SMYD3: variants seen among roughly 807,000 people sequenced by gnomAD.
SMYD3 encodes the protein histone-lysine N-methyltransferase SMYD3.
In SMYD3, 36 loss-of-function variants were observed where a neutral mutation model predicts 57.7. The ratio of observed to expected loss-of-function variants is 0.62; its 90% CI spans 0.48 to 0.82. The LOEUF is 0.82. Ranked by LOEUF, SMYD3 falls within the 40% of genes least tolerant of loss-of-function variation. The pLI is 0.00. For synonymous variants in SMYD3, 211 were observed against 195.0 expected, an observed-to-expected ratio of 1.08 and a Z score of -0.68; for missense variants, 515 against 538.8, an observed-to-expected ratio of 0.96 and a Z score of 0.44.
chr1:245,788,039 G>C (rs1389517185), intron 10 of SMYD3, among the ~76,000 whole-genome samples: 1 of 151,914 alleles, frequency 6.6e-6, no homozygotes, highest in Non-Finnish European at 1.5e-5. Flanking sequence ...ACAGGGCAAG[G>C]AGAATGGTGA....
At chr1:245,821,808 A>G (rs1355255589) in intron 10 of SMYD3, among the ~76,000 whole-genome samples, 3 of 152,012 alleles carry the variant, frequency 2.0e-5, no homozygotes, top group Admixed American at 6.6e-5. Context: ...GCTCATCATC[A>G]CTGGCCATCA....
intron 8 of SMYD3, among the ~76,000 whole-genome samples, chr1:245,904,721 T>C (rs1157463923): frequency 6.6e-6 from 1 of 151,936 alleles, no homozygotes. Flanking sequence ...CCAGAGACAG[T>C]GGACTTAGGG....
intron 1 of SMYD3, among the ~76,000 whole-genome samples, chr1:246,361,651 T>C (rs1428428088): frequency 6.6e-6 from 1 of 152,212 alleles, no homozygotes; most frequent in Non-Finnish European, 1.5e-5. Context: ...CGCAGCCACC[T>C]AGATGGAATT....
rs929534437 is a variant in SMYD3 at position 246,203,511 on chromosome 1, C to A, written c.531+123690G>T. 2.0e-5 allele frequency among the ~76,000 whole-genome samples: 3 copies of A among 152,144 alleles called. No individual in the cohort carries two copies. Among genetic ancestry groups the A allele is most frequent in the Admixed American group, 1.3e-4 (2 of 15,272 alleles). On this transcript the variant is annotated intron_variant, in intron 5 of 11. Transcript: ENST00000490107. This position sits in a 1 kb window ranked among gnomAD's most constrained non-coding sequence, Gnocchi z 4.6. ...TCTATAGGTTTGGTTTCCTCCGAGC[C>A]CTCTCTGGCTGGAGGAGCCACTGTC...
At chr1:246,327,762 G>A (rs142126498) in intron 4 of SMYD3, among the ~76,000 whole-genome samples, 78 of 152,086 alleles carry the variant, frequency 5.1e-4, no homozygotes, top group African/African-American at 1.9e-3. Flanking sequence ...TCACCTCTAA[G>A]GCAAAAAGAC....
rs112375247 is a variant in SMYD3, at chr1:246,126,301, C to G, written c.532-196364G>C. Among the ~76,000 whole-genome samples the G allele has an allele frequency of 6.7e-4, 102 of 152,250 alleles. 2 individuals carry two copies. The highest frequency in any genetic ancestry group is 2.4e-3 in the African/African-American group (99 of 41,536). ...TAGCCAGGCCTGCTAGACAGGACAG[C>G]CTTAGATAACAAATAATTACCCAGT... On this transcript the variant is annotated intron_variant, in intron 5 of 11. Coordinates refer to ENST00000490107, the MANE Select transcript of SMYD3 (RefSeq NM_001167740.2).
chr1:245,940,234 G>C (rs1347686764), intron 5 of SMYD3, among the ~76,000 whole-genome samples: 1 of 152,162 alleles, frequency 6.6e-6, no homozygotes, highest in Non-Finnish European at 1.5e-5. Flanking sequence ...ATGCAGTCTG[G>C]ACAAGGGGAA....
intron 5 of SMYD3, among the ~76,000 whole-genome samples, chr1:246,102,363 A>C (rs1000745073): frequency 1.3e-5 from 2 of 151,968 alleles, no homozygotes; most frequent in African/African-American, 2.4e-5. Context: ...CTTCTTCTCT[A>C]CATCTCAGAT....
intron 5 of SMYD3, among the ~76,000 whole-genome samples, chr1:245,949,630 GAAACCCTGTCTTCACT>G (rs2057549428): frequency 6.6e-6 from 1 of 152,122 alleles, no homozygotes; most frequent in Non-Finnish European, 1.5e-5. Context: ...CCAACATGGT[GAAACCCTGTCTTCACT>G]AAAAATACAA....
At chr1:246,235,371 C>A (rs1416275989) in intron 5 of SMYD3, among the ~76,000 whole-genome samples, 2 of 152,138 alleles carry the variant, frequency 1.3e-5, no homozygotes, top group African/African-American at 4.8e-5. Context: ...TACGTCCTTC[C>A]TGAATATGTT....
chr1:246,050,520 A>G (rs548709681), intron 5 of SMYD3, among the ~76,000 whole-genome samples: 1 of 152,354 alleles, frequency 6.6e-6, no homozygotes, highest in African/African-American at 2.4e-5. Context: ...TAAATGAAGA[A>G]GAGGTTCTAA....
chr1:246,168,695 T>C (rs971692964), intron 5 of SMYD3, among the ~76,000 whole-genome samples: 1 of 152,218 alleles, frequency 6.6e-6, no homozygotes, highest in Non-Finnish European at 1.5e-5. Context: ...GTATTAAGAC[T>C]CATTCCTTTC....
chr1:246,288,782 T>A (rs1463561433), intron 5 of SMYD3, among the ~76,000 whole-genome samples: 1 of 152,168 alleles, frequency 6.6e-6, no homozygotes, highest in Non-Finnish European at 1.5e-5. Context: ...CTTCCCCAGA[T>A]GGGCTGAGGT....
chr1:245,821,531 C>A (rs12095233), intron 10 of SMYD3, among the ~76,000 whole-genome samples: 76,311 of 128,648 alleles, frequency 0.59, 24,853 homozygotes, highest in Non-Finnish European at 0.78. Flanking sequence ...GCAACAAAAG[C>A]CAAAATTGAC....
chr1:246,236,145 C>T (rs11579914), intron 5 of SMYD3, among the ~76,000 whole-genome samples: 3,220 of 152,118 alleles, frequency 0.021, 59 homozygotes, highest in Non-Finnish European at 0.033. Context: ...ACTTTTAAAA[C>T]TAGCGTGATT....
At chr1:245,870,835 A>ACAC (rs2052149877) in intron 8 of SMYD3, among the ~76,000 whole-genome samples, 1 of 151,954 alleles carries the variant, frequency 6.6e-6, no homozygotes, top group Non-Finnish European at 1.5e-5. Context: ...GTCAGGTTAA[A>ACAC]CACACGAATC....
intron 10 of SMYD3, among the ~76,000 whole-genome samples, chr1:245,820,874 C>T (rs377416031): frequency 6.6e-6 from 1 of 151,094 alleles, no homozygotes; most frequent in South Asian, 2.1e-4. Flanking sequence ...AACTACAAAC[C>T]ACTGCTCAAT....
intron 7 of SMYD3, among the ~76,000 whole-genome samples, chr1:245,921,741 T>C (rs1281157608): frequency 6.6e-6 from 1 of 152,046 alleles, no homozygotes; most frequent in Admixed American, 6.5e-5. Context: ...ATTTAGAGAA[T>C]CTATCGAACC....
intron 1 of SMYD3, among the ~76,000 whole-genome samples, chr1:246,365,293 T>C (rs960399175): frequency 3.3e-5 from 5 of 150,172 alleles, no homozygotes; most frequent in African/African-American, 1.2e-4. Context: ...ATAAGACCAG[T>C]CTGGGCAACA....
Sources: gnomAD v4.1 joint callset for allele counts (sites outside exome capture counted in the v4.1 genomes callset) on GRCh38, gnomAD v4.1.1 for gene constraint, Gnocchi (gnomAD v3.1) non-coding constraint, MANE v1.5 for transcripts, NCBI Gene and HGNC (gene_info 2026-07-23, HGNC 2026-07-21) for gene names.